ARHGAP15: variants seen among roughly 807,000 people sequenced by gnomAD.
ARHGAP15 encodes rho GTPase-activating protein 15.
Under a neutral mutation model 63.7 loss-of-function variants are expected in ARHGAP15, and 51 were observed. The observed-to-expected ratio is 0.80, with a 90% CI of 0.64 to 1.01. ARHGAP15 has a LOEUF of 1.01. Ranked by LOEUF, ARHGAP15 falls within the 50% of genes least tolerant of loss-of-function variation. The probability of loss-of-function intolerance (pLI) is 0.00; values close to 1 mark genes in which losing one functional copy is unlikely to be tolerated. For synonymous variants in ARHGAP15, 191 were observed against 193.8 expected (o/e 0.99, Z 0.12); for missense variants, 560 against 564.6 (o/e 0.99, Z 0.08).
At chr2:143,591,043 T>A (rs1051960773) in intron 11 of ARHGAP15, among the ~76,000 whole-genome samples, 1 of 152,146 alleles carries the variant, frequency 6.6e-6, no homozygotes, top group African/African-American at 2.4e-5. Flanking sequence ...CAGGAGTTAT[T>A]TCTTCATAAA....
At chr2:143,438,485 G>GA (rs138424930) in intron 8 of ARHGAP15, among the ~76,000 whole-genome samples, 4,587 of 152,226 alleles carry the variant, frequency 0.03, 234 homozygotes, top group African/African-American at 0.11. Flanking sequence ...TTTAAGAGTA[G>GA]AAGCACCCTT....
intron 6 of ARHGAP15, among the ~76,000 whole-genome samples, chr2:143,337,441 T>G (rs996579167): frequency 6.6e-6 from 1 of 152,196 alleles, no homozygotes; most frequent in Non-Finnish European, 1.5e-5. Context: ...ATGACAAATA[T>G]GTCAAATTTT....
chr2:143,473,312 T>G (rs541142200), intron 8 of ARHGAP15, among the ~76,000 whole-genome samples: 1 of 152,316 alleles, frequency 6.6e-6, no homozygotes, highest in Admixed American at 6.5e-5. Flanking sequence ...TGTTCGTGTT[T>G]TCACACTAAC....
chr2:143,224,404 C>A (rs1356495038), intron 4 of ARHGAP15, among the ~76,000 whole-genome samples: 5 of 152,028 alleles, frequency 3.3e-5, no homozygotes, highest in African/African-American at 9.7e-5. Flanking sequence ...CTCAAAAAAT[C>A]TTTAATAATC....
intron 11 of ARHGAP15, among the ~76,000 whole-genome samples, chr2:143,564,870 G>A (rs2105105375): frequency 6.6e-6 from 1 of 152,114 alleles, no homozygotes; most frequent in African/African-American, 2.4e-5. Flanking sequence ...AAAATAAAAG[G>A]TGCTTTACCT....
At chr2:143,385,818 C>G (rs1225694644) in intron 6 of ARHGAP15, among the ~76,000 whole-genome samples, 1 of 152,006 alleles carries the variant, frequency 6.6e-6, no homozygotes, top group Non-Finnish European at 1.5e-5. Flanking sequence ...CTTAGATAAA[C>G]ATTGATCTAG....
At chr2:143,551,248 C>T (rs1331092680) in intron 10 of ARHGAP15, among the ~76,000 whole-genome samples, 1 of 152,168 alleles carries the variant, frequency 6.6e-6, no homozygotes, top group East Asian at 1.9e-4. Flanking sequence ...ACTTCCTGGG[C>T]TCAAGTGATT....
At chr2:143,211,713 G>C (rs1414599952) in intron 3 of ARHGAP15, among the ~76,000 whole-genome samples, 1 of 152,002 alleles carries the variant, frequency 6.6e-6, no homozygotes, top group Non-Finnish European at 1.5e-5. Flanking sequence ...TCAGCATTGT[G>C]GATCCAGAAA....
chr2:143,160,101 T>A (rs1445923962), intron 2 of ARHGAP15, among the ~76,000 whole-genome samples: 1 of 151,928 alleles, frequency 6.6e-6, no homozygotes, highest in East Asian at 1.9e-4. Flanking sequence ...CTTCTTGACT[T>A]CCCTGATAGA....
chr2:143,360,711 G>C (rs1686011022), intron 6 of ARHGAP15, among the ~76,000 whole-genome samples: 1 of 152,072 alleles, frequency 6.6e-6, no homozygotes, highest in Non-Finnish European at 1.5e-5. Context: ...CTAGCATTTT[G>C]ATTGCTTACA....
chr2:143,318,166 T>C (rs1683812437), intron 6 of ARHGAP15, among the ~76,000 whole-genome samples: 1 of 151,468 alleles, frequency 6.6e-6, no homozygotes. Context: ...ACCTGGCTAA[T>C]ATTTTTGTAT....
chr2:143,621,722 T>G (rs1698655169), intron 11 of ARHGAP15, among the ~76,000 whole-genome samples: 1 of 152,164 alleles, frequency 6.6e-6, no homozygotes, highest in Non-Finnish European at 1.5e-5. Context: ...GTAGATATAA[T>G]CAAATGGTAT....
intron 13 of ARHGAP15, among the ~76,000 whole-genome samples, chr2:143,762,089 T>A (rs1686781499): frequency 6.6e-6 from 1 of 152,152 alleles, no homozygotes; most frequent in Non-Finnish European, 1.5e-5. Flanking sequence ...TTTGGGGCCT[T>A]TTTTTCTGTT....
intron 9 of ARHGAP15, among the ~76,000 whole-genome samples, chr2:143,500,364 A>G (rs1478353361): frequency 6.6e-6 from 1 of 152,004 alleles, no homozygotes; most frequent in Admixed American, 6.6e-5. Context: ...AAGTCCATAT[A>G]GTATGTACTA....
chr2:143,493,039 C>T (rs1395822626), intron 9 of ARHGAP15, among the ~76,000 whole-genome samples: 3 of 146,376 alleles, frequency 2.0e-5, no homozygotes, highest in African/African-American at 7.4e-5. Context: ...GCCTGGGCGA[C>T]AGAGCGAGAC....
At chr2:143,574,544 G>C (rs1385580495) in intron 11 of ARHGAP15, among the ~76,000 whole-genome samples, 2 of 151,890 alleles carry the variant, frequency 1.3e-5, no homozygotes, top group East Asian at 3.9e-4. Context: ...CTTGAAAATG[G>C]GGAACTGTTC....
chr2:143,174,826 A>G (rs952877744), intron 2 of ARHGAP15, among the ~76,000 whole-genome samples: 7 of 152,166 alleles, frequency 4.6e-5, no homozygotes, highest in Non-Finnish European at 1.0e-4. Flanking sequence ...AAGTAGAATA[A>G]TGACTCTATA....
rs145369981 is a variant in ARHGAP15 at position 143,439,393 on chromosome 2, A to G, written c.703+2351A>G. The stretch of plus-strand genomic sequence containing the variant: ...AGCTAAGATTTCACCACTGCACTCC[A>G]GCCTGGGCGACAGAGCAAGACTCTG... On this transcript the variant is annotated intron_variant, in intron 8 of 13. Transcript: ENST00000295095. 2.4e-4 allele frequency among the ~76,000 whole-genome samples: 32 copies of G among 135,796 alleles called. No individual in the cohort carries two copies. In the East Asian group the frequency reaches 7.2e-3, roughly 31 times the overall value. 89.1% of individuals were successfully genotyped at this position (135,796 alleles called of 152,430 possible).
chr2:143,619,835 A>C (rs1359782927), intron 11 of ARHGAP15, among the ~76,000 whole-genome samples: 1 of 152,090 alleles, frequency 6.6e-6, no homozygotes, highest in African/African-American at 2.4e-5. Flanking sequence ...ACCTTCTCCC[A>C]TGATTGGAAG....
Sources: gnomAD v4.1 joint callset for allele counts (sites outside exome capture counted in the v4.1 genomes callset) on GRCh38, gnomAD v4.1.1 for gene constraint, MANE v1.5 for transcripts, NCBI Gene and HGNC (gene_info 2026-07-23, HGNC 2026-07-21) for gene names.